MACROD2: variants seen among roughly 807,000 people sequenced by gnomAD.
MACROD2 encodes the protein ADP-ribose glycohydrolase MACROD2.
In MACROD2, 36 loss-of-function variants were observed where a neutral mutation model predicts 70.4. The observed-to-expected ratio is 0.51, with a 90% CI of 0.39 to 0.68. The LOEUF is 0.68. Among genes scored for constraint, MACROD2 ranks in the 30% least tolerant of loss-of-function variants. The pLI is 0.00. For synonymous variants in MACROD2, 172 were observed against 178.8 expected, an observed-to-expected ratio of 0.96 and a Z score of 0.30; for missense variants, 496 against 538.4, an observed-to-expected ratio of 0.92 and a Z score of 0.78.
At chr20:14,071,908 A>G (rs2053848933) in intron 2 of MACROD2, among the ~76,000 whole-genome samples, 1 of 152,190 alleles carries the variant, frequency 6.6e-6, no homozygotes, top group Non-Finnish European at 1.5e-5. Context: ...TGTCTCTACA[A>G]AACAATTTTA....
intron 5 of MACROD2, among the ~76,000 whole-genome samples, chr20:15,053,869 T>C (rs894618919): frequency 1.3e-5 from 2 of 152,202 alleles, no homozygotes; most frequent in African/African-American, 4.8e-5. Context: ...ATTTGTGGTT[T>C]ATGGGAGGAG....
At chr20:15,391,911 G>A (rs938383627) in intron 6 of MACROD2, among the ~76,000 whole-genome samples, 1 of 152,006 alleles carries the variant, frequency 6.6e-6, no homozygotes, top group Non-Finnish European at 1.5e-5. Flanking sequence ...AAAGCCTAGA[G>A]GTTATCAAAC....
intron 4 of MACROD2, among the ~76,000 whole-genome samples, chr20:14,606,135 A>C (rs1018376775): frequency 2.6e-5 from 4 of 152,162 alleles, no homozygotes; most frequent in Admixed American, 2.6e-4. Flanking sequence ...TGTTTCCTAC[A>C]TTTGAAAAAA....
chr20:14,304,965 A>G (rs891545619), intron 3 of MACROD2, among the ~76,000 whole-genome samples: 2 of 152,130 alleles, frequency 1.3e-5, no homozygotes, highest in Non-Finnish European at 2.9e-5. Context: ...AGTAATTTTC[A>G]GTCTTGACTA....
chr20:14,731,783 A>T (rs994681591), intron 5 of MACROD2, among the ~76,000 whole-genome samples: 3 of 152,174 alleles, frequency 2.0e-5, no homozygotes, highest in African/African-American at 7.2e-5. Flanking sequence ...AGAGGGCTAC[A>T]TAACAGGTGA....
chr20:14,754,591 A>G (rs1600628965), intron 5 of MACROD2, among the ~76,000 whole-genome samples: 1 of 152,064 alleles, frequency 6.6e-6, no homozygotes, highest in East Asian at 1.9e-4. Flanking sequence ...TTAGTTATAC[A>G]CGGGGCTATA....
intron 5 of MACROD2, among the ~76,000 whole-genome samples, chr20:14,892,378 G>A (rs908760421): frequency 6.6e-6 from 1 of 152,068 alleles, no homozygotes; most frequent in African/African-American, 2.4e-5. Flanking sequence ...AGGAGGCTGA[G>A]ACACGAGAAT....
chr20:15,945,818 C>T (rs1398583333), intron 12 of MACROD2, among the ~76,000 whole-genome samples: 1 of 152,158 alleles, frequency 6.6e-6, no homozygotes, highest in Non-Finnish European at 1.5e-5. Flanking sequence ...CTGTCTGAAC[C>T]CAAAGCCCAT....
At position 14,230,669 on chromosome 20, in the gene MACROD2, C is replaced by CCATATATATATA. The variant is rs1388842581; in HGVS notation, c.271+144941_271+144942insCATATATATATA. Reference sequence around the variant, plus strand: ...TATATATATATAACACAGGCTGGGCCTATATATATATATATATATATATAT... The same window carrying CCATATATATATA: ...TATATATATATAACACAGGCTGGGCCCATATATATATATATATATATATATATATATATATAT... On this transcript the variant is annotated intron_variant, in intron 3 of 17. Transcript: ENST00000684519. 3.3e-4 allele frequency among the ~76,000 whole-genome samples: 31 copies of CCATATATATATA among 92,914 alleles called. 4 individuals carry two copies. The highest frequency in any genetic ancestry group is 1.4e-3 in the South Asian group (3 of 2,216). 61.0% of individuals were successfully genotyped at this position (92,914 alleles called of 152,430 possible). A position where few individuals can be genotyped will look rare whatever the true frequency, so the allele number is the denominator to read the frequency against.
At chr20:14,295,403 C>A (rs1338717704) in intron 3 of MACROD2, among the ~76,000 whole-genome samples, 1 of 151,876 alleles carries the variant, frequency 6.6e-6, no homozygotes, top group African/African-American at 2.4e-5. Context: ...GCCGGCCCAA[C>A]AATTGTCCCA....
chr20:15,611,861 G>A (rs151149920), intron 8 of MACROD2, among the ~76,000 whole-genome samples: 27 of 146,150 alleles, frequency 1.8e-4, no homozygotes, highest in African/African-American at 6.9e-4. Flanking sequence ...AGCTGGGCAC[G>A]TAGTGGGGAT....
intron 8 of MACROD2, among the ~76,000 whole-genome samples, chr20:15,827,589 T>G (rs1270825984): frequency 6.6e-6 from 1 of 152,184 alleles, no homozygotes; most frequent in Non-Finnish European, 1.5e-5. Context: ...AGAATAAATA[T>G]TATTCTCCTT....
chr20:14,167,953 C>T (rs942994630), intron 3 of MACROD2, among the ~76,000 whole-genome samples: 3 of 152,110 alleles, frequency 2.0e-5, no homozygotes, highest in Non-Finnish European at 2.9e-5. Flanking sequence ...AAAATTAACT[C>T]ATCAGTCAAA....
At chr20:15,984,636 C>A (rs966914568) in intron 13 of MACROD2, among the ~76,000 whole-genome samples, 3 of 150,564 alleles carry the variant, frequency 2.0e-5, no homozygotes, top group Non-Finnish European at 4.4e-5. Context: ...TTGCCTCCCC[C>A]CCCCGCCCTT....
chr20:14,584,114 A>G (rs948579937), intron 4 of MACROD2, among the ~76,000 whole-genome samples: 3 of 152,134 alleles, frequency 2.0e-5, no homozygotes, highest in African/African-American at 7.2e-5. Context: ...AATGAATTAT[A>G]TTCTACTTTC....
At chr20:15,210,981 G>A (rs941796509) in intron 5 of MACROD2, among the ~76,000 whole-genome samples, 1 of 152,048 alleles carries the variant, frequency 6.6e-6, no homozygotes, top group Non-Finnish European at 1.5e-5. Context: ...TTTTTCAAAC[G>A]TACAATTCAG....
chr20:14,399,439 T>A (rs1461625430), intron 3 of MACROD2, among the ~76,000 whole-genome samples: 1 of 152,174 alleles, frequency 6.6e-6, no homozygotes, highest in Non-Finnish European at 1.5e-5. Context: ...TGGAGAAGTC[T>A]GCTGTCATTT....
chr20:15,059,335 A>C (rs1359723795), intron 5 of MACROD2, among the ~76,000 whole-genome samples: 1 of 151,874 alleles, frequency 6.6e-6, no homozygotes, highest in East Asian at 1.9e-4. Flanking sequence ...CAGTGAACCG[A>C]GATCACACCA....
intron 8 of MACROD2, among the ~76,000 whole-genome samples, chr20:15,736,728 A>G (rs754671793): frequency 6.6e-6 from 1 of 152,210 alleles, no homozygotes; most frequent in Non-Finnish European, 1.5e-5. Flanking sequence ...GATGGAAAAT[A>G]CAGTATTTGA....
Sources: allele counts gnomAD v4.1 joint callset (sites outside exome capture counted in the v4.1 genomes callset), GRCh38; gene constraint gnomAD v4.1.1; transcripts MANE v1.5; gene names NCBI Gene and HGNC (gene_info 2026-07-23, HGNC 2026-07-21).